Variants in SH3RF1 observed in about 807,000 individuals in gnomAD.
SH3RF1 encodes E3 ubiquitin-protein ligase SH3RF1.
SH3RF1 carries 32 observed loss-of-function variants against 74.0 expected under a neutral mutation model. The ratio of observed to expected loss-of-function variants is 0.43; its 90% CI spans 0.33 to 0.58. The LOEUF is 0.58. Among genes scored for constraint, SH3RF1 ranks in the 20% least tolerant of loss-of-function variants. SH3RF1 has a pLI of 0.05. For synonymous variants in SH3RF1, 396 were observed against 439.6 expected (o/e 0.90, Z 1.24); for missense variants, 954 against 1,130.9 (o/e 0.84, Z 2.24).
rs1731404156 is a variant in SH3RF1 at position 169,269,175 on chromosome 4, G to A, written c.38C>T (p.Pro13Leu). 3 of 1,604,352 alleles carry A rather than the reference G, an allele frequency of 1.9e-6. No homozygotes were observed. The highest frequency in any genetic ancestry group is 2.5e-6 in the Non-Finnish European group (3 of 1,177,736). ...ESALLDLLEC[P>L]VCLERLDASA... ...AGCATCAAGGCGCTCTAGACACACC[G>A]GACACTCCAAAAGATCCAACAAGGC... is the stretch of plus-strand genomic sequence containing the variant. Residue 13 changes from proline (P) to leucine (L), a missense_variant, in exon 2 of 12, where the codon CCG (proline) becomes CTG (leucine). Around this residue, in one of 3 missense-constraint regions of SH3RF1, gnomAD observed 64 missense variants for 101.9 expected, o/e 0.63. Coordinates refer to ENST00000284637, the MANE Select transcript of SH3RF1 (RefSeq NM_020870.4).
At chr4:169,116,675 T>C (rs1733340214) in intron 9 of SH3RF1, 45 bp from the exon 10 acceptor site, 6 of 1,503,260 alleles carry the variant, frequency 4.0e-6, no homozygotes, top group Non-Finnish European at 5.3e-6. Flanking sequence ...AACTATCTAA[T>C]AGATGCTGCT....
intron 2 of SH3RF1, among the ~76,000 whole-genome samples, chr4:169,263,894 G>A (rs1731315372): frequency 6.6e-6 from 1 of 152,168 alleles, no homozygotes; most frequent in African/African-American, 2.4e-5. Flanking sequence ...TAACATGCCT[G>A]TCTATTTTAA....
intron 2 of SH3RF1, among the ~76,000 whole-genome samples, chr4:169,224,471 C>A (rs186370251): frequency 6.6e-6 from 1 of 152,172 alleles, no homozygotes; most frequent in Non-Finnish European, 1.5e-5. Flanking sequence ...GCTCGCGCCA[C>A]CATGCCTGGC....
chr4:169,212,057 C>CTTTTTTTTTTTTTTTTTTTT (rs34108534), intron 2 of SH3RF1, among the ~76,000 whole-genome samples: 2 of 48,266 alleles, frequency 4.1e-5, no homozygotes, highest in African/African-American at 1.8e-4. Flanking sequence ...CTTTTCTTTT[C>CTTTTTTTTTTTTTTTTTTTT]TTTTTTTTTT....
intron 2 of SH3RF1, among the ~76,000 whole-genome samples, chr4:169,255,923 A>G (rs1488694035): frequency 2.0e-5 from 3 of 151,992 alleles, no homozygotes; most frequent in Non-Finnish European, 4.4e-5. Context: ...ACGAGCCACC[A>G]TGCCAAGCTA....
intron 2 of SH3RF1, among the ~76,000 whole-genome samples, chr4:169,175,849 GA>G (rs1202338317): frequency 6.6e-6 from 1 of 152,148 alleles, no homozygotes; most frequent in Admixed American, 6.6e-5. Context: ...TTCATAAATT[GA>G]AACCCTAACC....
chr4:169,227,216 A>G (rs1185091785), intron 2 of SH3RF1, among the ~76,000 whole-genome samples: 1 of 152,182 alleles, frequency 6.6e-6, no homozygotes, highest in Non-Finnish European at 1.5e-5. Flanking sequence ...TTCCAATTAG[A>G]AAATGATAAG....
At chr4:169,118,581 G>A (rs904986648) in intron 8 of SH3RF1, among the ~76,000 whole-genome samples, 5 of 151,816 alleles carry the variant, frequency 3.3e-5, no homozygotes, top group Admixed American at 1.3e-4. Context: ...TAAGCCTCCC[G>A]AGTAGCTGGG....
intron 2 of SH3RF1, among the ~76,000 whole-genome samples, chr4:169,157,282 T>TGAAC (rs1410274049): frequency 6.6e-6 from 1 of 152,144 alleles, no homozygotes. Context: ...CAGCAGTGAG[T>TGAAC]GAACAGTCAC....
intron 11 of SH3RF1, among the ~76,000 whole-genome samples, chr4:169,106,510 A>G (rs1002326605): frequency 6.6e-6 from 1 of 152,130 alleles, no homozygotes; most frequent in Non-Finnish European, 1.5e-5. Flanking sequence ...AAAAGACAGC[A>G]ATTAGTGGCA....
chr4:169,146,179 A>G (rs897056263), intron 4 of SH3RF1, among the ~76,000 whole-genome samples: 1 of 143,372 alleles, frequency 7.0e-6, no homozygotes, highest in African/African-American at 2.6e-5. Context: ...TATATATTAT[A>G]TATTCTATAT....
chr4:169,228,409 G>A (rs1161241381), intron 2 of SH3RF1, among the ~76,000 whole-genome samples: 2 of 151,970 alleles, frequency 1.3e-5, no homozygotes, highest in Non-Finnish European at 2.9e-5. Flanking sequence ...GGAGGTTCTA[G>A]GGGAAAAATC....
At position 169,263,703 on chromosome 4, in the gene SH3RF1, C is replaced by G. The variant is rs142650569; in HGVS notation, c.393+5117G>C. 1.9e-4 allele frequency among the ~76,000 whole-genome samples: 29 copies of G among 152,314 alleles called. No homozygotes were observed. In the East Asian group the frequency reaches 5.4e-3, roughly 28 times the overall value. ...CTGGTTTGTCCATCATTACCTATCCCTTGAGTAATGCCTTAGGTACTACTG... is the reference window on the plus strand; with the variant it reads ...CTGGTTTGTCCATCATTACCTATCCGTTGAGTAATGCCTTAGGTACTACTG... On this transcript the variant is annotated intron_variant, in intron 2 of 11. Transcript: ENST00000284637.
intron 11 of SH3RF1, among the ~76,000 whole-genome samples, chr4:169,105,828 G>T: frequency 6.6e-6 from 1 of 152,146 alleles, no homozygotes; most frequent in East Asian, 1.9e-4. Context: ...TGAGGCTTCA[G>T]TGAGCTGTGA....
At chr4:169,123,663 G>A (rs1390579878) in intron 6 of SH3RF1, among the ~76,000 whole-genome samples, 1 of 152,136 alleles carries the variant, frequency 6.6e-6, no homozygotes, top group Non-Finnish European at 1.5e-5. Flanking sequence ...AGGCTGAGGC[G>A]GGCGGATCAC....
rs538939440 is a variant in SH3RF1, at chr4:169,198,373, A to C, written c.394-41694T>G. Among the ~76,000 whole-genome samples the C allele has an allele frequency of 2.4e-4, 36 of 152,338 alleles. No individual in the cohort carries two copies. In the South Asian group the frequency reaches 7.3e-3, roughly 31 times the overall value. On this transcript the variant is annotated intron_variant, in intron 2 of 11. Coordinates refer to ENST00000284637, the MANE Select transcript of SH3RF1 (RefSeq NM_020870.4). ...TACAAATAGAGTGTTAAATCAGCAG[A>C]TTCTTCATGCTTAATATGCTGTAAT...
intron 10 of SH3RF1, among the ~76,000 whole-genome samples, chr4:169,108,592 G>A (rs576123357): frequency 9.2e-5 from 14 of 152,278 alleles, no homozygotes; most frequent in Middle Eastern, 3.4e-3. Flanking sequence ...GGCTATAGAT[G>A]AGCAGAGCCA....
At chr4:169,202,268 C>T (rs184680548) in intron 2 of SH3RF1, among the ~76,000 whole-genome samples, 44 of 152,234 alleles carry the variant, frequency 2.9e-4, no homozygotes, top group Admixed American at 9.8e-4. Context: ...GTTTCTTTAT[C>T]CTGATGCTTC....
chr4:169,102,844 G>C (rs575974257), intron 11 of SH3RF1, among the ~76,000 whole-genome samples: 1 of 150,826 alleles, frequency 6.6e-6, no homozygotes, highest in South Asian at 2.1e-4. Context: ...TTCTTACTAT[G>C]AGATTGCTTA....
Sources: gnomAD v4.1 joint callset for allele counts (sites outside exome capture counted in the v4.1 genomes callset) on GRCh38, gnomAD v4.1.1 for gene constraint, gnomAD v4.1.1 regional missense constraint, MANE v1.5 for transcripts, NCBI Gene and HGNC (gene_info 2026-07-23, HGNC 2026-07-21) for gene names.